SNAP25: variants seen among roughly 807,000 people sequenced by gnomAD.
The protein encoded by SNAP25 is synaptosomal-associated protein 25.
SNAP25 carries 3 observed loss-of-function variants against 28.7 expected under a neutral mutation model. The observed-to-expected ratio is 0.10, with a 90% CI of 0.05 to 0.27. The LOEUF (loss-of-function observed/expected upper bound fraction) is 0.27, where lower values mean the gene tolerates loss of function less well. SNAP25 is among the 10% of genes least tolerant of loss of function. The pLI, the probability that SNAP25 is intolerant of heterozygous loss-of-function variation, is 1.00. For synonymous variants in SNAP25, 61 were observed against 88.1 expected, an observed-to-expected ratio of 0.69 and a Z score of 1.72; for missense variants, 117 against 278.7, an observed-to-expected ratio of 0.42 and a Z score of 4.13.
chr20:10,247,822 C>T (rs922785928), intron 1 of SNAP25, among the ~76,000 whole-genome samples: 2 of 152,206 alleles, frequency 1.3e-5, no homozygotes, highest in Non-Finnish European at 2.9e-5. Context: ...TGCTTTGTAA[C>T]AAATGACCCT....
chr20:10,230,738 C>T (rs1036466715), intron 1 of SNAP25, among the ~76,000 whole-genome samples: 1 of 152,148 alleles, frequency 6.6e-6, no homozygotes, highest in Non-Finnish European at 1.5e-5. Flanking sequence ...CTGTTCTCAA[C>T]CTTTCAAAAG....
At chr20:10,284,004 C>T (rs549051863) in intron 3 of SNAP25, among the ~76,000 whole-genome samples, 14 of 152,198 alleles carry the variant, frequency 9.2e-5, no homozygotes, top group African/African-American at 2.6e-4. Flanking sequence ...AAGACTTCCC[C>T]GGCACAGAAG....
intron 2 of SNAP25, among the ~76,000 whole-genome samples, chr20:10,277,112 C>G (rs942800638): frequency 1.3e-5 from 2 of 152,284 alleles, no homozygotes; most frequent in African/African-American, 4.8e-5. Flanking sequence ...CTTTCCGTCT[C>G]GTTTTTTCTT....
At chr20:10,277,299 T>C (rs1235178240) in intron 2 of SNAP25, among the ~76,000 whole-genome samples, 1 of 152,192 alleles carries the variant, frequency 6.6e-6, no homozygotes, top group African/African-American at 2.4e-5. Context: ...CATGAAAAAT[T>C]ATGTTTGTGT....
At chr20:10,268,885 C>T (rs990300900) in intron 1 of SNAP25, among the ~76,000 whole-genome samples, 3 of 152,060 alleles carry the variant, frequency 2.0e-5, no homozygotes, top group East Asian at 1.9e-4. Context: ...TGATGCTAAA[C>T]ATCTGTCTCA....
At position 10,250,783 on chromosome 20, in the gene SNAP25, G is replaced by T. The variant is rs115167123; in HGVS notation, c.-63-24646G>T. 4.1e-3 allele frequency among the ~76,000 whole-genome samples: 620 copies of T among 152,280 alleles called. 2 individuals are homozygous for T. Among genetic ancestry groups the T allele is most frequent in the African/African-American group, 0.015 (611 of 41,540 alleles). On this transcript the variant is annotated intron_variant, in intron 1 of 7. Coordinates refer to ENST00000254976, the MANE Select transcript of SNAP25 (RefSeq NM_130811.4). Reference sequence around the variant, plus strand: ...ATAGATGGGTGGTCCCATAAGATAAGAATACCAGATTATTACTGTACCTTT... The same window carrying T: ...ATAGATGGGTGGTCCCATAAGATAATAATACCAGATTATTACTGTACCTTT...
chr20:10,277,818 TC>T, intron 3 of SNAP25, 92 bp downstream of exon 3: 2 of 1,159,324 alleles, frequency 1.7e-6, no homozygotes, highest in Non-Finnish European at 2.6e-6. Flanking sequence ...TGGGCCATGA[TC>T]CCCTAGATTC....
intron 1 of SNAP25, among the ~76,000 whole-genome samples, chr20:10,254,276 G>A (rs960309103): frequency 1.3e-5 from 2 of 152,194 alleles, no homozygotes; most frequent in Admixed American, 6.5e-5. Flanking sequence ...ATAGAAGTGC[G>A]CAAAGCCCAG....
chr20:10,255,729 T>G (rs930369642), intron 1 of SNAP25, among the ~76,000 whole-genome samples: 3 of 152,254 alleles, frequency 2.0e-5, no homozygotes, highest in African/African-American at 7.2e-5. Flanking sequence ...ATTTTTCTGT[T>G]TTCTTGGACA....
At chr20:10,240,925 T>C (rs2063017231) in intron 1 of SNAP25, among the ~76,000 whole-genome samples, 1 of 152,164 alleles carries the variant, frequency 6.6e-6, no homozygotes, top group African/African-American at 2.4e-5. Flanking sequence ...AATTGCTCCG[T>C]GGAGCCAGCA....
rs139570870 is a variant in SNAP25 at position 10,228,782 on chromosome 20, C to T, written c.-64+9805C>T. On this transcript the variant is annotated intron_variant, in intron 1 of 7. Coordinates refer to ENST00000254976, the MANE Select transcript of SNAP25 (RefSeq NM_130811.4). ...AAGGGACTGTTGTTATGTTCAGTTA[C>T]CTGCTATTTGCCATACCAGATTTCC... Among the ~76,000 whole-genome samples the T allele has an allele frequency of 2.2e-3, 342 of 152,258 alleles. 3 individuals are homozygous for T. Among genetic ancestry groups the T allele is most frequent in the Middle Eastern group, 6.8e-3 (2 of 294 alleles).
intron 1 of SNAP25, among the ~76,000 whole-genome samples, chr20:10,224,847 A>G (rs550830983): frequency 6.6e-6 from 1 of 151,858 alleles, no homozygotes; most frequent in Non-Finnish European, 1.5e-5. Context: ...TAAACTTTGT[A>G]TAAATTTCTT....
chr20:10,286,528 G>T (rs2063883116), intron 4 of SNAP25, among the ~76,000 whole-genome samples: 1 of 152,154 alleles, frequency 6.6e-6, no homozygotes, highest in Non-Finnish European at 1.5e-5. Context: ...GTGTTGGGCA[G>T]AAATGTTCTA....
At chr20:10,229,326 C>T (rs1450877484) in intron 1 of SNAP25, among the ~76,000 whole-genome samples, 1 of 151,948 alleles carries the variant, frequency 6.6e-6, no homozygotes. Flanking sequence ...TGTATGTGCA[C>T]ACAATACACA....
At chr20:10,224,097 G>A (rs1437887249) in intron 1 of SNAP25, among the ~76,000 whole-genome samples, 1 of 151,922 alleles carries the variant, frequency 6.6e-6, no homozygotes, top group Non-Finnish European at 1.5e-5. Flanking sequence ...TGAAATAACT[G>A]ATGCACAGCA....
intron 1 of SNAP25, among the ~76,000 whole-genome samples, chr20:10,236,481 GA>G (rs1454336069): frequency 1.3e-5 from 2 of 152,250 alleles, no homozygotes; most frequent in Non-Finnish European, 2.9e-5. Context: ...TCTTGGTAAA[GA>G]CGATTGCATT....
intron 4 of SNAP25, among the ~76,000 whole-genome samples, chr20:10,285,418 C>T (rs1043538228): frequency 6.6e-6 from 1 of 152,106 alleles, no homozygotes; most frequent in Non-Finnish European, 1.5e-5. Context: ...AAGGGTAATA[C>T]CATCATTTTT....
chr20:10,252,494 A>G (rs1191296195), intron 1 of SNAP25, among the ~76,000 whole-genome samples: 2 of 152,242 alleles, frequency 1.3e-5, no homozygotes, highest in African/African-American at 4.8e-5. Context: ...GTCTCTAATC[A>G]AGGGTAAATA....
chr20:10,250,492 G>T (rs910880471), intron 1 of SNAP25, among the ~76,000 whole-genome samples: 2 of 152,180 alleles, frequency 1.3e-5, no homozygotes, highest in East Asian at 1.9e-4. Context: ...CAAGTCCCCT[G>T]AGGAAGAAAC....
Sources: gnomAD v4.1 joint callset for allele counts (sites outside exome capture counted in the v4.1 genomes callset) on GRCh38, gnomAD v4.1.1 for gene constraint, MANE v1.5 for transcripts, NCBI Gene and HGNC (gene_info 2026-07-23, HGNC 2026-07-21) for gene names.